Variants in TKFC observed in about 807,000 individuals in gnomAD.
TKFC encodes triokinase/FMN cyclase.
A neutral mutation model predicts 61.0 loss-of-function variants in TKFC; 46 were observed. The ratio of observed to expected loss-of-function variants is 0.75; its 90% CI spans 0.60 to 0.96. TKFC has a LOEUF of 0.96. Ranked by LOEUF, TKFC falls within the 50% of genes least tolerant of loss-of-function variation. The pLI is 0.00. For missense variants in TKFC, 715 were observed against 777.5 expected (o/e 0.92, Z 0.96); for synonymous variants, 314 against 330.1 (o/e 0.95, Z 0.53).
At chr11:61,350,491 C>G, downstream of TKFC, 1 of 1,581,202 alleles carries the variant, frequency 6.3e-7, no homozygotes, top group Non-Finnish European at 8.6e-7. Flanking sequence ...CCAAGCTGTT[C>G]AGACAGACCC....
At chr11:61,343,049 G>A (rs879645388) in intron 10 of TKFC, 24 of 627,664 alleles carry the variant, frequency 3.8e-5, no homozygotes, top group Non-Finnish European at 5.8e-5. Flanking sequence ...GCTTTATACC[G>A]TTGTTTTGAG....
In TKFC at chr11:61,346,346, C is replaced by T. The variant is rs1203232769; in HGVS notation, c.1576-5C>T. ...TTGAACCTGCTCCCACACCCCATCC[C>T]CCAGAGTGCCGAAGCTGCAGCCGAG... On this transcript the variant is annotated splice_polypyrimidine_tract_variant and splice_region_variant and intron_variant, in intron 17 of 17. Transcript: ENST00000394900. This position sits in a 1 kb window ranked among gnomAD's most constrained non-coding sequence, Gnocchi z 4.1. 15 of 1,612,378 alleles carry T rather than the reference C, an allele frequency of 9.3e-6. No homozygotes were observed. Among genetic ancestry groups the T allele is most frequent in the South Asian group, 6.6e-5 (6 of 91,076 alleles).
At chr11:61,349,615 C>A (rs371157549), downstream of TKFC, 28 of 702,822 alleles carry the variant, frequency 4.0e-5, no homozygotes, top group East Asian at 2.1e-4. Flanking sequence ...AGGGAAAGGC[C>A]GGGATCCAGG....
rs10594002 is a variant in TKFC at position 61,347,538 on chromosome 11, C to CAAAAAAA, written c.*1051_*1057dup. ...TGGGCAACAAAGCGAGACCCTGTCT[C>CAAAAAAA]AAAAAAAAAAAAAAAAAAAAAAGAA... On this transcript the variant is annotated 3_prime_UTR_variant, in exon 18 of 18. Transcript: ENST00000394900. 2.3e-6 allele frequency: 1 copy of CAAAAAAA among 425,580 alleles called. No individual in the cohort carries two copies. Among genetic ancestry groups the CAAAAAAA allele is most frequent in the African/African-American group, 2.3e-5 (1 of 43,930 alleles). 26.4% of individuals were successfully genotyped at this position (425,580 alleles called of 1,614,324 possible).
chr11:61,338,201 G>A (rs1481602622), intron 3 of TKFC, 71 bp downstream of exon 3: 8 of 1,396,378 alleles, frequency 5.7e-6, no homozygotes, highest in African/African-American at 4.4e-5. Flanking sequence ...CCTTAGTGCT[G>A]CCATGAAGTG....
Position 61,347,269 on chromosome 11 carries a change from C to T in TKFC, c.*766C>T, listed in dbSNP as rs557396668. ...TCAAAAAATGCAGCCAGGCCGGGCA[C>T]GGTGGCTCACACCTGCAATCCCAGC... On this transcript the variant is annotated 3_prime_UTR_variant, in exon 18 of 18. Transcript: ENST00000394900. 1.7e-5 allele frequency: 17 copies of T among 985,466 alleles called. No homozygotes were observed. The African/African-American group carries it at 2.3e-4, about 13-fold the overall frequency. The allele number at this position is 985,466 out of a possible 1,614,324, so 61.0% of individuals were successfully genotyped here. A position where few individuals can be genotyped will look rare whatever the true frequency, so the allele number is the denominator to read the frequency against.
intron 12 of TKFC, 66 bp downstream of exon 12, chr11:61,344,041 G>A (rs544040481): frequency 7.1e-5 from 114 of 1,598,592 alleles, no homozygotes; most frequent in Middle Eastern, 1.9e-4. Context: ...ACGGTGGGGC[G>A]GGTAGGGGCC....
Position 61,339,526 on chromosome 11 carries a change from TC to T in TKFC, c.486+95del, listed in dbSNP as rs558539020. 1.8e-3 allele frequency: 2,577 copies of T among 1,394,460 alleles called. 8 individuals carry two copies. Among genetic ancestry groups the T allele is most frequent in the East Asian group, 3.2e-3 (135 of 42,404 alleles). 86.4% of individuals were successfully genotyped at this position (1,394,460 alleles called of 1,614,324 possible). A position where few individuals can be genotyped will look rare whatever the true frequency, so the allele number is the denominator to read the frequency against. On this transcript the variant is annotated intron_variant, in intron 5 of 17. Transcript: ENST00000394900. Reference sequence around the variant, plus strand: ...CCAGTAACTGGACCTTTCCAGCCCTTCCCCAAGAAGCTAGTTCTTTTTCTCC... The same window carrying T: ...CCAGTAACTGGACCTTTCCAGCCCTTCCCAAGAAGCTAGTTCTTTTTCTCC...
intron 2 of TKFC, among the ~76,000 whole-genome samples, chr11:61,337,060 G>T (rs1856637893): frequency 6.6e-6 from 1 of 152,162 alleles, no homozygotes; most frequent in African/African-American, 2.4e-5. Context: ...CTCCCATGGT[G>T]CACGTGCGCT....
intron 5 of TKFC, chr11:61,339,650 C>T (rs930714263): frequency 1.7e-6 from 1 of 578,966 alleles, no homozygotes; most frequent in Non-Finnish European, 3.0e-6. Flanking sequence ...TCTCCACACC[C>T]AATCAGTTGC....
chr11:61,334,283 G>C (rs559910082), intron 1 of TKFC: 2 of 172,176 alleles, frequency 1.2e-5, no homozygotes, highest in South Asian at 2.6e-4. Context: ...GTGAGGGCAA[G>C]CGTGTGACGA....
Position 61,347,563 on chromosome 11 carries a change from A to G in TKFC, c.*1060A>G. The G allele has an allele frequency of 1.0e-6, 1 of 985,232 alleles. No individual in the cohort carries two copies. Among genetic ancestry groups the G allele is most frequent in the Non-Finnish European group, 1.2e-6 (1 of 830,206 alleles). The allele number at this position is 985,232 out of a possible 1,614,324, so 61.0% of individuals were successfully genotyped here. A position where few individuals can be genotyped will look rare whatever the true frequency, so the allele number is the denominator to read the frequency against. On this transcript the variant is annotated 3_prime_UTR_variant, in exon 18 of 18. Coordinates refer to ENST00000394900, the MANE Select transcript of TKFC (RefSeq NM_015533.4). ...CAAAAAAAAAAAAAAAAAAAAAAGA[A>G]ACTGCAGCCAAGCCAGCCCCTAGGT...
In TKFC at chr11:61,334,749, G is replaced by A. The variant is rs372996715; in HGVS notation, c.3+18G>A. 23 of 1,613,926 alleles carry A rather than the reference G, an allele frequency of 1.4e-5. No homozygotes were observed. The highest frequency in any genetic ancestry group is 2.7e-5 in the African/African-American group (2 of 74,924). ...ACACCATGGTGAGTCATACAGGGCC[G>A]GGACGGGAATGGCAGCATGGTCTCA... On this transcript the variant is annotated intron_variant, in intron 2 of 17. Transcript: ENST00000394900.
At chr11:61,343,062 TTAAG>T (rs1156294155) in intron 10 of TKFC, 2 of 618,744 alleles carry the variant, frequency 3.2e-6, no homozygotes, top group Non-Finnish European at 2.8e-6. Context: ...GTTTTGAGGA[TTAAG>T]TGAGATTAAA....
intron 9 of TKFC, 38 bp from the exon 10 acceptor site, chr11:61,342,717 C>A: frequency 6.2e-7 from 1 of 1,613,804 alleles, no homozygotes; most frequent in South Asian, 1.1e-5. Context: ...GAGGAGACGC[C>A]CAGAGGGTCT....
chr11:61,350,600 A>G (rs987062930), downstream of TKFC: 23 of 735,344 alleles, frequency 3.1e-5, no homozygotes, highest in African/African-American at 2.1e-4. Flanking sequence ...ACATCCCATC[A>G]AGACCTGCTC....
downstream of TKFC, chr11:61,352,731 A>G: frequency 8.6e-7 from 1 of 1,158,930 alleles, no homozygotes; most frequent in African/African-American, 1.6e-5. Flanking sequence ...GGTGGTTGAC[A>G]GGATTAAATG....
Position 61,338,060 on chromosome 11 carries a change from C to T in TKFC, c.123C>T (p.Asp41=), listed in dbSNP as rs749376624. The change falls in exon 3 of 18, where the codon GAC becomes GAT. Residue 41 remains aspartate (D), a synonymous_variant. Transcript: ENST00000394900. Reference sequence around the variant, plus strand: ...GCCACCGCGTGGCCCTCCGTTCTGACCTGGACAGCCTCAAGGGCCGGGTGG... The same window carrying T: ...GCCACCGCGTGGCCCTCCGTTCTGATCTGGACAGCCTCAAGGGCCGGGTGG... The part of the protein sequence containing the change: ...LQGHRVALRS[D]LDSLKGRVAL... 3 of 1,612,204 alleles carry T rather than the reference C, an allele frequency of 1.9e-6. No homozygotes were observed. Among genetic ancestry groups the T allele is most frequent in the Non-Finnish European group, 1.7e-6 (2 of 1,179,718 alleles).
downstream of TKFC, chr11:61,349,699 G>A (rs1358387393): frequency 7.1e-6 from 5 of 700,950 alleles, no homozygotes; most frequent in South Asian, 1.5e-5. Context: ...GCAGCAATAC[G>A]AAACAGAACA....
Sources: gnomAD v4.1 joint callset for allele counts (sites outside exome capture counted in the v4.1 genomes callset) on GRCh38, gnomAD v4.1.1 for gene constraint, Gnocchi (gnomAD v3.1) non-coding constraint, MANE v1.5 for transcripts, NCBI Gene and HGNC (gene_info 2026-07-23, HGNC 2026-07-21) for gene names.